The following PRPF18 variants were observed in gnomAD, a reference collection of about 807,000 sequenced individuals.
PRPF18 encodes pre-mRNA processing factor 18, also known as pre-mRNA-splicing factor 18.
A neutral mutation model predicts 46.5 loss-of-function variants in PRPF18; 38 were observed. The ratio of observed to expected loss-of-function variants is 0.82; its 90% CI spans 0.63 to 1.07. The LOEUF is 1.07. Ranked by LOEUF, PRPF18 falls within the 50% of genes least tolerant of loss-of-function variation. The pLI is 0.00. For missense variants in PRPF18, 263 were observed against 410.0 expected (o/e 0.64, Z 3.10); for synonymous variants, 152 against 146.7 (o/e 1.04, Z -0.26).
chr10:13,654,454 G>C, the PRPF18 span: 2 of 1,613,592 alleles, frequency 1.2e-6, no homozygotes, highest in African/African-American at 1.3e-5. Context: ...GGCTGCTTGG[G>C]GGGGTGGCTC....
At chr10:13,631,325 A>C (rs1044465070), downstream of PRPF18, 7 of 152,318 alleles carry the variant, frequency 4.6e-5, no homozygotes, top group African/African-American at 1.7e-4. Flanking sequence ...GTGTGAGTGG[A>C]TGCTCCCGGA....
chr10:13,610,991 T>A (rs1027661121), intron 5 of PRPF18, among the ~76,000 whole-genome samples: 20 of 152,254 alleles, frequency 1.3e-4, no homozygotes, highest in African/African-American at 4.8e-4. Context: ...TAAATATGGC[T>A]TAAAGTTCTT....
intron 1 of PRPF18, 83 bp from the exon 2 acceptor site, chr10:13,597,375 G>A (rs2133282342): frequency 2.1e-6 from 2 of 954,580 alleles, no homozygotes; most frequent in East Asian, 2.7e-5. Context: ...TGTTTCCAAA[G>A]TTTTCTAAAG....
At chr10:13,614,167 A>C in intron 8 of PRPF18, 81 bp downstream of exon 8, 3 of 1,068,472 alleles carry the variant, frequency 2.8e-6, no homozygotes, top group Non-Finnish European at 4.0e-6. Context: ...TTGGGATAGG[A>C]GGATTTTACA....
chr10:13,654,834 T>A, the PRPF18 span: 1 of 394,366 alleles, frequency 2.5e-6, no homozygotes, highest in Non-Finnish European at 4.5e-6. Flanking sequence ...ATGGTGACGG[T>A]TTCTACAGCA....
At chr10:13,595,130 C>A (rs987321690) in intron 1 of PRPF18, among the ~76,000 whole-genome samples, 1 of 152,108 alleles carries the variant, frequency 6.6e-6, no homozygotes, top group Non-Finnish European at 1.5e-5. Flanking sequence ...AGTAGTCCCC[C>A]TTCCCAAATC....
At position 13,630,349 on chromosome 10, in the gene PRPF18, T is replaced by C. The variant is rs756723009; in HGVS notation, c.*9T>C. 3.8e-6 allele frequency: 6 copies of C among 1,591,232 alleles called. No homozygotes were observed. In the East Asian group the frequency reaches 1.3e-4, roughly 36 times the overall value. On this transcript the variant is annotated 3_prime_UTR_variant, in exon 10 of 10. Transcript: ENST00000378572. ...AGTACAATGCACTGTGAGATCTGTG[T>C]ATGGTGTGTTAATAACAATAAGAAA...
intron 9 of PRPF18, among the ~76,000 whole-genome samples, chr10:13,628,124 GAAC>G (rs1402386514): frequency 6.6e-6 from 1 of 152,122 alleles, no homozygotes; most frequent in Non-Finnish European, 1.5e-5. Context: ...ATTACACAGG[GAAC>G]AACAACAACA....
chr10:13,644,227 T>C, the PRPF18 span: 1 of 152,268 alleles, frequency 6.6e-6, no homozygotes, highest in African/African-American at 2.4e-5. Context: ...GCAATTTCTT[T>C]TACGCATCCG....
chr10:13,630,201 G>C, intron 9 of PRPF18, 59 bp from the exon 10 acceptor site: 1 of 1,326,974 alleles, frequency 7.5e-7, no homozygotes. Context: ...TTCAGAGGAA[G>C]GCAGTTAAGA....
chr10:13,621,665 T>C (rs2080422146), intron 9 of PRPF18, among the ~76,000 whole-genome samples: 2 of 152,210 alleles, frequency 1.3e-5, no homozygotes, highest in South Asian at 4.1e-4. Context: ...CCTCGCTATG[T>C]ATAGATGAAT....
intron 9 of PRPF18, among the ~76,000 whole-genome samples, chr10:13,618,247 A>G (rs1030645325): frequency 6.6e-6 from 1 of 152,172 alleles, no homozygotes; most frequent in African/African-American, 2.4e-5. Context: ...GTCTAAAAAT[A>G]CAATATTTAG....
At position 13,608,846 on chromosome 10, in the gene PRPF18, T is replaced by G. The variant is rs143507012; in HGVS notation, c.364-1193T>G. Among the ~76,000 whole-genome samples the G allele has an allele frequency of 5.1e-4, 77 of 152,340 alleles. No individual in the cohort carries two copies. The South Asian group carries it at 0.012, about 24-fold the overall frequency. ...ACAAGGTCTGGATTCCATTCCTGGA[T>G]TATAGTAATCAATTATTTGGCCGTT... On this transcript the variant is annotated intron_variant, in intron 4 of 9. Transcript: ENST00000378572.
At chr10:13,632,182 A>T (rs369708831), downstream of PRPF18, among the ~76,000 whole-genome samples, 3 of 152,316 alleles carry the variant, frequency 2.0e-5, no homozygotes, top group South Asian at 6.2e-4. Context: ...TCTACTAAAA[A>T]TACAAAAAAT....
chr10:13,610,386 C>A (rs1373032633), intron 5 of PRPF18, among the ~76,000 whole-genome samples: 1 of 152,192 alleles, frequency 6.6e-6, no homozygotes, highest in Admixed American at 6.5e-5. Flanking sequence ...TCAAAAGGAA[C>A]CCATTCTAAT....
chr10:13,603,655 C>T (rs1380771753), intron 3 of PRPF18, among the ~76,000 whole-genome samples: 3 of 152,130 alleles, frequency 2.0e-5, no homozygotes, highest in Non-Finnish European at 2.9e-5. Context: ...TCTTCCTGTT[C>T]GACCTCTGTA....
At chr10:13,650,759 T>C in the PRPF18 span, among the ~76,000 whole-genome samples, 1 of 152,202 alleles carries the variant, frequency 6.6e-6, no homozygotes, top group East Asian at 1.9e-4. Context: ...AACAAGACTC[T>C]CTACTGTTAA....
rs1367477927 is a variant in PRPF18 at position 13,609,900 on chromosome 10, T to C, written c.364-139T>C. ...TAGTGATAGTTGTGTGATAAATTGATGTGATTTGAGTCCCTACTTTTGCTG... is the reference window on the plus strand; with the variant it reads ...TAGTGATAGTTGTGTGATAAATTGACGTGATTTGAGTCCCTACTTTTGCTG... On this transcript the variant is annotated intron_variant, in intron 4 of 9. Transcript: ENST00000378572. 6.4e-6 allele frequency: 5 copies of C among 777,574 alleles called. No individual in the cohort carries two copies. The East Asian group carries it at 1.3e-4, about 20-fold the overall frequency. The allele number at this position is 777,574 out of a possible 1,614,324, so 48.2% of individuals were successfully genotyped here.
the PRPF18 span, chr10:13,652,038 A>G: frequency 1.2e-6 from 1 of 857,300 alleles, no homozygotes. Context: ...ACACTGACAC[A>G]GACACAGACA....
Sources: gnomAD v4.1 joint callset for allele counts (sites outside exome capture counted in the v4.1 genomes callset) on GRCh38, gnomAD v4.1.1 for gene constraint, MANE v1.5 for transcripts, NCBI Gene and HGNC (gene_info 2026-07-23, HGNC 2026-07-21) for gene names.